LRCOL1: variants seen among roughly 807,000 people sequenced by gnomAD.
The protein encoded by LRCOL1 is leucine-rich colipase-like protein 1.
LRCOL1 carries 21 observed loss-of-function variants against 21.6 expected under a neutral mutation model. That is an observed-to-expected ratio of 0.97 (90% confidence interval 0.69 to 1.40). LRCOL1 has a LOEUF of 1.40. Ranked by LOEUF, LRCOL1 falls within the 40% of genes most tolerant of loss-of-function variation. The pLI, the probability that LRCOL1 is intolerant of heterozygous loss-of-function variation, is 0.00. For synonymous variants in LRCOL1, 98 were observed against 90.1 expected, an observed-to-expected ratio of 1.09 and a Z score of -0.49; for missense variants, 198 against 202.3, an observed-to-expected ratio of 0.98 and a Z score of 0.13.
Position 132,604,714 on chromosome 12 carries a change from A to T in LRCOL1, c.223T>A (p.Trp75Arg), listed in dbSNP as rs2041280588. The T allele has an allele frequency of 2.0e-6, 3 of 1,535,776 alleles. No homozygotes were observed. Among genetic ancestry groups the T allele is most frequent in the Non-Finnish European group, 2.6e-6 (3 of 1,146,770 alleles). Residue 75 changes from tryptophan to arginine, a missense_variant, in exon 3 of 6, where the codon TGG becomes AGG. Trp to Arg is a moderately radical substitution (Grantham distance 101, BLOSUM62 -3). Coordinates refer to ENST00000376608, the MANE Select transcript of LRCOL1 (RefSeq NM_001195520.2). ...CCCTGCACGCACCTCACCTTCCTCC[A>T]GGGCAGGCACTGCAGGAAGATGGTC... ...PKTIFLQCLPWRKPNGYRCSH... is the reference protein window; with the variant it reads ...PKTIFLQCLPRRKPNGYRCSH...
rs138731346 is a variant in LRCOL1, at chr12:132,606,087, G to A, written c.105+60C>T. The A allele has an allele frequency of 1.3e-3, 2,015 of 1,502,220 alleles. No individual in the cohort carries two copies. The highest frequency in any genetic ancestry group is 1.6e-3 in the Non-Finnish European group (1,837 of 1,117,660). 93.1% of individuals were successfully genotyped at this position (1,502,220 alleles called of 1,614,324 possible). Reference sequence around the variant, plus strand: ...GACTGCAAGGGCCTCAGGGGCGCCCGGCACCCACCTTATGGCGCGTGTGGG... The same window carrying A: ...GACTGCAAGGGCCTCAGGGGCGCCCAGCACCCACCTTATGGCGCGTGTGGG... On this transcript the variant is annotated intron_variant, in intron 2 of 5. Transcript: ENST00000376608. This position sits in a 1 kb window ranked among gnomAD's most constrained non-coding sequence, Gnocchi z 4.6.
intron 1 of LRCOL1, among the ~76,000 whole-genome samples, chr12:132,607,653 T>C (rs2041325740): frequency 7.1e-6 from 1 of 140,432 alleles, no homozygotes; most frequent in African/African-American, 2.7e-5. Flanking sequence ...CTCTGTCTCT[T>C]TCTGTCTCTG....
chr12:132,604,483 C>T lies in LRCOL1; in HGVS notation c.333G>A (p.Leu111=), dbSNP rs1470734992. The part of the protein sequence containing the change: ...QELCTPQSVF[L]QCVPWRKPNG... ...TCACCTTGCGCCAGGGCACACACTGCAGGAAGACGCTTTGGGGCGTGCACA... is the reference window on the plus strand; with the variant it reads ...TCACCTTGCGCCAGGGCACACACTGTAGGAAGACGCTTTGGGGCGTGCACA... The change falls in exon 4 of 6, where the codon CTG becomes CTA. Residue 111 remains leucine, a synonymous_variant. Coordinates refer to ENST00000376608, the MANE Select transcript of LRCOL1 (RefSeq NM_001195520.2). 1 of 1,536,080 alleles carries T rather than the reference C, an allele frequency of 6.5e-7. No individual in the cohort carries two copies. The highest frequency in any genetic ancestry group is 2.0e-5 in the Admixed American group (1 of 51,002).
intron 5 of LRCOL1, chr12:132,603,844 G>T (rs944092771): frequency 8.1e-6 from 8 of 985,292 alleles, no homozygotes; most frequent in African/African-American, 3.5e-5. Flanking sequence ...TGGATTTCCC[G>T]TCAGGAAAAG....
At chr12:132,607,309 C>T (rs1216911341) in intron 1 of LRCOL1, among the ~76,000 whole-genome samples, 1 of 152,200 alleles carries the variant, frequency 6.6e-6, no homozygotes, top group Non-Finnish European at 1.5e-5. Flanking sequence ...GTAGACTCCA[C>T]AATTCATGAA....
At chr12:132,604,101 C>G in intron 5 of LRCOL1, 153 bp downstream of exon 5, 2 of 1,430,636 alleles carry the variant, frequency 1.4e-6, no homozygotes, top group Non-Finnish European at 1.8e-6. Context: ...ATGAGATGGG[C>G]GGTGAAGCGC....
intron 1 of LRCOL1, among the ~76,000 whole-genome samples, chr12:132,607,387 A>G (rs776298962): frequency 1.3e-5 from 2 of 152,278 alleles, no homozygotes; most frequent in Non-Finnish European, 2.9e-5. Context: ...CTGGCCATAA[A>G]TAACCAGAAA....
intron 1 of LRCOL1, among the ~76,000 whole-genome samples, chr12:132,607,829 CTCTG>C (rs2041330188): frequency 6.7e-6 from 1 of 150,018 alleles, no homozygotes; most frequent in Admixed American, 6.6e-5. Context: ...CTCTTTCTGT[CTCTG>C]TCTCTTTCTG....
At chr12:132,604,674 C>G (rs763278024) in intron 3 of LRCOL1, 32 bp downstream of exon 3, 1 of 1,528,132 alleles carries the variant, frequency 6.5e-7, no homozygotes, top group Admixed American at 2.0e-5. Context: ...GGCAGTCTCG[C>G]TCCTCCACCC....
Position 132,606,894 on chromosome 12 carries a change from A to AT in LRCOL1, c.-13-631dup, listed in dbSNP as rs945148983. Among the ~76,000 whole-genome samples the AT allele has an allele frequency of 1.3e-4, 20 of 151,988 alleles. No individual in the cohort carries two copies. In the East Asian group the frequency reaches 1.4e-3, roughly 10 times the overall value. On this transcript the variant is annotated intron_variant, in intron 1 of 5. Transcript: ENST00000376608. The surrounding 1 kb of genome is among the most constrained non-coding windows in gnomAD (Gnocchi z 4.6). ...CTTTTTAGCACTGCATGGAAAATGG[A>AT]TTTTTTTTAACACATCGAGGCAAAA...
At chr12:132,608,709 G>A (rs2041342373) in intron 1 of LRCOL1, among the ~76,000 whole-genome samples, 1 of 152,228 alleles carries the variant, frequency 6.6e-6, no homozygotes, top group African/African-American at 2.4e-5. Flanking sequence ...TGGAATGAGA[G>A]GTGTGAGCCA....
intron 5 of LRCOL1, 124 bp downstream of exon 5, chr12:132,604,130 G>T: frequency 6.9e-7 from 1 of 1,441,904 alleles, no homozygotes; most frequent in Non-Finnish European, 9.1e-7. Context: ...CCCAGCAGGG[G>T]TGCCTGGGTG....
At chr12:132,609,212 C>A (rs1016412265) in intron 1 of LRCOL1, among the ~76,000 whole-genome samples, 2 of 152,216 alleles carry the variant, frequency 1.3e-5, no homozygotes, top group Non-Finnish European at 2.9e-5. Context: ...TTTGATCCCA[C>A]GTGTGAGGTC....
chr12:132,606,480 CT>C lies in LRCOL1; in HGVS notation c.-13-217del, dbSNP rs1399275653. Among the ~76,000 whole-genome samples, 9 of 152,354 alleles carry C rather than the reference CT, an allele frequency of 5.9e-5. No homozygotes were observed. In the Middle Eastern group the frequency reaches 0.01, roughly 173 times the overall value. ...ATTCTCATATGCCACCTTCTTTCCC[CT>C]GCCTCAGTTTCCCCTATTATAAACA... On this transcript the variant is annotated intron_variant, in intron 1 of 5. Coordinates refer to ENST00000376608, the MANE Select transcript of LRCOL1 (RefSeq NM_001195520.2). The surrounding 1 kb of genome is among the most constrained non-coding windows in gnomAD (Gnocchi z 4.6).
chr12:132,603,310 A>G lies in LRCOL1; in HGVS notation c.*92T>C. ...AAACAGCAGCACAAACCGTAAGGGAAGCTTCCGCTGGAACCAGCCCCCGCG... is the reference window on the plus strand; with the variant it reads ...AAACAGCAGCACAAACCGTAAGGGAGGCTTCCGCTGGAACCAGCCCCCGCG... On this transcript the variant is annotated 3_prime_UTR_variant, in exon 6 of 6. Coordinates refer to ENST00000376608, the MANE Select transcript of LRCOL1 (RefSeq NM_001195520.2). The G allele has an allele frequency of 6.6e-7, 1 of 1,509,946 alleles. No homozygotes were observed. The highest frequency in any genetic ancestry group is 8.9e-7 in the Non-Finnish European group (1 of 1,124,372). The allele number at this position is 1,509,946 out of a possible 1,614,324, so 93.5% of individuals were successfully genotyped here.
At chr12:132,604,136 G>C in intron 5 of LRCOL1, 118 bp downstream of exon 5, 1 of 1,443,188 alleles carries the variant, frequency 6.9e-7, no homozygotes, top group Non-Finnish European at 9.1e-7. Flanking sequence ...AGGGGTGCCT[G>C]GGTGCTCAGA....
Position 132,604,536 on chromosome 12 carries a change from A to C in LRCOL1, c.280T>G (p.Cys94Gly). 1 of 1,536,110 alleles carries C rather than the reference A, an allele frequency of 6.5e-7. No individual in the cohort carries two copies. The highest frequency in any genetic ancestry group is 8.7e-7 in the Non-Finnish European group (1 of 1,146,866). ...TCCTGCGGGCTGTTGTTGCGGACGC[A>C]GCAGCTGCTCTGGCACTCTGAGTCG... ...SHDSECQSSCCVRNNSPQELC... is the reference protein window; with the variant it reads ...SHDSECQSSCGVRNNSPQELC... Residue 94 changes from cysteine (C) to glycine (G), a missense_variant, in exon 4 of 6, where the codon TGC (cysteine) becomes GGC (glycine). Transcript: ENST00000376608.
At chr12:132,607,628 CCTCTGTCTCCCTCT>C (rs1306026690) in intron 1 of LRCOL1, among the ~76,000 whole-genome samples, 4 of 146,570 alleles carry the variant, frequency 2.7e-5, no homozygotes, top group African/African-American at 7.7e-5. Flanking sequence ...TCTGTCTCTC[CCTCTGTCTCCCTCT>C]CTCTGTCTCT....
chr12:132,604,452 C>A lies in LRCOL1; in HGVS notation c.354+10G>T. On this transcript the variant is annotated intron_variant, in intron 4 of 5. Coordinates refer to ENST00000376608, the MANE Select transcript of LRCOL1 (RefSeq NM_001195520.2). ...CCCTGCTCCATCTGCCCCGGGTGCC[C>A]GCAGCTCACCTTGCGCCAGGGCACA... The A allele has an allele frequency of 6.5e-7, 1 of 1,534,046 alleles. No individual in the cohort carries two copies. The highest frequency in any genetic ancestry group is 1.2e-5 in the South Asian group (1 of 83,936).
Sources: allele counts gnomAD v4.1 joint callset (sites outside exome capture counted in the v4.1 genomes callset), GRCh38; gene constraint gnomAD v4.1.1; non-coding constraint Gnocchi (gnomAD v3.1); transcripts MANE v1.5; gene names NCBI Gene and HGNC (gene_info 2026-07-23, HGNC 2026-07-21).